The following GRIP1 variants were observed in gnomAD, a reference collection of about 807,000 sequenced individuals.
GRIP1 encodes glutamate receptor-interacting protein 1.
A neutral mutation model predicts 129.9 loss-of-function variants in GRIP1; 45 were observed. That is an observed-to-expected ratio of 0.35 (90% CI 0.27 to 0.44). GRIP1 has a LOEUF of 0.44. GRIP1 is among the 20% of genes least tolerant of loss of function. The pLI, the probability that GRIP1 is intolerant of heterozygous loss-of-function variation, is 1.00. For synonymous variants in GRIP1, 530 were observed against 520.8 expected (o/e 1.02, Z -0.24); for missense variants, 1,196 against 1,396.8 (o/e 0.86, Z 2.29).
chr12:67,055,011 T>C (rs954885473), intron 1 of GRIP1, among the ~76,000 whole-genome samples: 2 of 152,188 alleles, frequency 1.3e-5, no homozygotes, highest in African/African-American at 4.8e-5. Context: ...GTAGAGGTTA[T>C]TGGTTCTCTT....
At chr12:66,524,658 A>C (rs2139028804) in intron 5 of GRIP1, among the ~76,000 whole-genome samples, 1 of 152,296 alleles carries the variant, frequency 6.6e-6, no homozygotes, top group African/African-American at 2.4e-5. Context: ...AGCTAGCAGA[A>C]GGCAAGAAAT....
chr12:66,788,153 G>C (rs2038415222), intron 1 of GRIP1, among the ~76,000 whole-genome samples: 1 of 151,852 alleles, frequency 6.6e-6, no homozygotes, highest in Non-Finnish European at 1.5e-5. Context: ...TGCCAATGGA[G>C]AACAGAACAG....
At chr12:67,011,716 C>T (rs1360283937) in intron 1 of GRIP1, among the ~76,000 whole-genome samples, 1 of 152,062 alleles carries the variant, frequency 6.6e-6, no homozygotes, top group African/African-American at 2.4e-5. Context: ...TCTTTCACAG[C>T]ATCTTGCACT....
intron 1 of GRIP1, among the ~76,000 whole-genome samples, chr12:66,649,176 C>T (rs1451958702): frequency 6.6e-6 from 1 of 152,174 alleles, no homozygotes; most frequent in Non-Finnish European, 1.5e-5. Context: ...CTAGCAATTT[C>T]ATGTTTGAAG....
intron 1 of GRIP1, among the ~76,000 whole-genome samples, chr12:66,721,682 C>G (rs1362095095): frequency 1.3e-5 from 2 of 152,186 alleles, no homozygotes; most frequent in South Asian, 2.1e-4. Flanking sequence ...CAGTCATTGA[C>G]TTCTCTCTAG....
chr12:66,856,740 TG>T (rs1374757222), intron 1 of GRIP1, among the ~76,000 whole-genome samples: 53 of 151,608 alleles, frequency 3.5e-4, no homozygotes, highest in African/African-American at 1.3e-3. Context: ...CTGGAGAGGA[TG>T]TGGAGAAATA....
rs766407147 is a variant in GRIP1 at position 66,429,589 on chromosome 12, G to C, written c.1768+2959C>G. ...CTCATGCCTGTAGTCCCAGACACTT[G>C]GGAGGTTAAAGTGGGAGGATCGCTT... On this transcript the variant is annotated intron_variant, in intron 14 of 24. Coordinates refer to ENST00000359742, the MANE Select transcript of GRIP1 (RefSeq NM_001366722.1). 7.6e-4 allele frequency among the ~76,000 whole-genome samples: 115 copies of C among 152,222 alleles called. 1 individual carries two copies. The highest frequency in any genetic ancestry group is 6.8e-3 in the Middle Eastern group (2 of 294).
intron 1 of GRIP1, among the ~76,000 whole-genome samples, chr12:66,858,076 T>A (rs1330672241): frequency 7.8e-6 from 1 of 127,812 alleles, no homozygotes; most frequent in Non-Finnish European, 1.7e-5. Context: ...ATATTCACCA[T>A]GTTTTTTTGT....
intron 1 of GRIP1, among the ~76,000 whole-genome samples, chr12:67,036,481 C>G (rs572842845): frequency 4.6e-5 from 7 of 152,094 alleles, no homozygotes; most frequent in African/African-American, 1.4e-4. Context: ...GTGCCCACCA[C>G]TATGCCTGGC....
intron 1 of GRIP1, among the ~76,000 whole-genome samples, chr12:66,607,015 A>AAG (rs1592638618): frequency 1.4e-5 from 2 of 138,070 alleles, no homozygotes; most frequent in African/African-American, 3.1e-5. Flanking sequence ...GAGAGAGAGA[A>AAG]AGAGAGAGAG....
chr12:66,375,036 T>G (rs1284495990), intron 22 of GRIP1, among the ~76,000 whole-genome samples: 1 of 152,190 alleles, frequency 6.6e-6, no homozygotes, highest in Non-Finnish European at 1.5e-5. Context: ...GAGTTCTCTA[T>G]CTGACATTTA....
At chr12:66,963,800 G>A (rs986918383) in intron 1 of GRIP1, among the ~76,000 whole-genome samples, 1 of 152,096 alleles carries the variant, frequency 6.6e-6, no homozygotes, top group African/African-American at 2.4e-5. Context: ...TCACCACCAA[G>A]TAGACATCTT....
chr12:66,500,072 T>G (rs983843694), intron 7 of GRIP1, among the ~76,000 whole-genome samples: 1 of 152,008 alleles, frequency 6.6e-6, no homozygotes, highest in African/African-American at 2.4e-5. Context: ...AGTAAGAAAA[T>G]TAATCTCATA....
At chr12:66,869,192 T>A (rs1486825980) in intron 1 of GRIP1, among the ~76,000 whole-genome samples, 1 of 152,008 alleles carries the variant, frequency 6.6e-6, no homozygotes, top group Non-Finnish European at 1.5e-5. Context: ...CACACTGACC[T>A]GTACTTAATA....
chr12:66,619,796 G>A (rs575812027), intron 1 of GRIP1, among the ~76,000 whole-genome samples: 1 of 152,116 alleles, frequency 6.6e-6, no homozygotes, highest in Non-Finnish European at 1.5e-5. Context: ...TCCAGTGAAA[G>A]AGCAACATCC....
In GRIP1 at chr12:66,994,772, A is replaced by T. The variant is rs1416166401; in HGVS notation, c.58+74278T>A. ...ATTGTTAAGATGGTAGTAGTCTCAA[A>T]ATTAATCTACAGATTTAAAATAATC... On this transcript the variant is annotated intron_variant, in intron 1 of 1. Coordinates refer to the GRIP1 transcript ENST00000643019. 2.6e-5 allele frequency among the ~76,000 whole-genome samples: 4 copies of T among 152,088 alleles called. No individual in the cohort carries two copies. The South Asian group carries it at 8.3e-4, about 32-fold the overall frequency.
At chr12:66,964,798 T>C (rs2137547123) in intron 1 of GRIP1, among the ~76,000 whole-genome samples, 1 of 152,260 alleles carries the variant, frequency 6.6e-6, no homozygotes, top group East Asian at 1.9e-4. Context: ...CAGTTCTGGA[T>C]GCTATAAGCC....
chr12:66,449,801 T>G (rs535313632), intron 11 of GRIP1, among the ~76,000 whole-genome samples: 1 of 152,324 alleles, frequency 6.6e-6, no homozygotes. Flanking sequence ...CAGCATCACC[T>G]ATTTGGCAGG....
At chr12:66,673,740 C>G (rs776742169) in intron 1 of GRIP1, among the ~76,000 whole-genome samples, 11 of 152,166 alleles carry the variant, frequency 7.2e-5, no homozygotes, top group African/African-American at 2.7e-4. Context: ...ATCTGGACCA[C>G]GAGCAGCACT....
Sources: gnomAD v4.1 joint callset for allele counts (sites outside exome capture counted in the v4.1 genomes callset) on GRCh38, gnomAD v4.1.1 for gene constraint, MANE v1.5 for transcripts, NCBI Gene and HGNC (gene_info 2026-07-23, HGNC 2026-07-21) for gene names.